Variants in CDYL2 observed in about 807,000 individuals in gnomAD.
CDYL2 encodes chromodomain Y-like protein 2.
Under a neutral mutation model 49.4 loss-of-function variants are expected in CDYL2, and 23 were observed. The ratio of observed to expected loss-of-function variants is 0.47; its 90% CI spans 0.34 to 0.66. CDYL2 has a LOEUF of 0.66. Ranked by LOEUF, CDYL2 falls within the 30% of genes least tolerant of loss-of-function variation. CDYL2 has a pLI of 0.01. For synonymous variants in CDYL2, 360 were observed against 268.8 expected, an observed-to-expected ratio of 1.34 and a Z score of -3.32; for missense variants, 678 against 656.4, an observed-to-expected ratio of 1.03 and a Z score of -0.36.
rs552286233 is a variant in CDYL2, at chr16:80,633,518, G to A, written c.617-282C>T. On this transcript the variant is annotated intron_variant, in intron 2 of 6. Coordinates refer to ENST00000570137, the MANE Select transcript of CDYL2 (RefSeq NM_152342.4). ...ATATCAGCTTCTGCTCAGATTCCTT[G>A]GCCACAGGGAATCCACTGACCACCC... Among the ~76,000 whole-genome samples the A allele has an allele frequency of 5.3e-5, 8 of 152,236 alleles. No individual in the cohort carries two copies. In the South Asian group the frequency reaches 8.3e-4, roughly 16 times the overall value.
intron 1 of CDYL2, among the ~76,000 whole-genome samples, chr16:80,794,873 A>G (rs532470484): frequency 6.6e-6 from 1 of 152,172 alleles, no homozygotes; most frequent in South Asian, 2.1e-4. Flanking sequence ...TTGGCCTCCC[A>G]AAGTGCTGGG....
chr16:80,643,259 TCA>T (rs200889100), intron 2 of CDYL2, among the ~76,000 whole-genome samples: 1,794 of 152,294 alleles, frequency 0.012, 9 homozygotes, highest in Middle Eastern at 0.024. Context: ...CACATCCAGG[TCA>T]CGCTGATTCA....
At chr16:80,630,367 C>G (rs1907506147) in intron 3 of CDYL2, among the ~76,000 whole-genome samples, 1 of 152,202 alleles carries the variant, frequency 6.6e-6, no homozygotes, top group Non-Finnish European at 1.5e-5. Flanking sequence ...CCCAGGGCTG[C>G]TCCACAGAGG....
intron 1 of CDYL2, among the ~76,000 whole-genome samples, chr16:80,706,801 T>C (rs1188025042): frequency 2.0e-5 from 3 of 152,182 alleles, no homozygotes; most frequent in Non-Finnish European, 4.4e-5. Context: ...GAGTACACAA[T>C]GGAAAATCTT....
chr16:80,655,643 C>T (rs1307377819), intron 2 of CDYL2, among the ~76,000 whole-genome samples: 1 of 152,106 alleles, frequency 6.6e-6, no homozygotes, highest in Non-Finnish European at 1.5e-5. Flanking sequence ...AGAGACCCTC[C>T]TACCCTCTGC....
chr16:80,710,858 C>G (rs1235871297), intron 1 of CDYL2, among the ~76,000 whole-genome samples: 1 of 152,136 alleles, frequency 6.6e-6, no homozygotes, highest in Non-Finnish European at 1.5e-5. Flanking sequence ...AGAAATAGTT[C>G]TTCACTGCAT....
intron 1 of CDYL2, among the ~76,000 whole-genome samples, chr16:80,757,567 T>TATATAC (rs1555535745): frequency 1.3e-5 from 2 of 150,000 alleles, no homozygotes; most frequent in African/African-American, 4.9e-5. Context: ...TATATATATA[T>TATATAC]ACACACACAC....
chr16:80,719,278 C>G (rs1904918019), intron 1 of CDYL2, among the ~76,000 whole-genome samples: 1 of 152,100 alleles, frequency 6.6e-6, no homozygotes, highest in South Asian at 2.1e-4. Flanking sequence ...CCGGAAGAGG[C>G]TGGGAGCAGG....
At chr16:80,683,457 C>T (rs964836340) in intron 2 of CDYL2, among the ~76,000 whole-genome samples, 17 of 152,234 alleles carry the variant, frequency 1.1e-4, no homozygotes, top group African/African-American at 4.1e-4. Context: ...CATGGGTCAT[C>T]ACCTCCTGTT....
chr16:80,618,663 G>A (rs1317719766), intron 4 of CDYL2, among the ~76,000 whole-genome samples: 3 of 152,178 alleles, frequency 2.0e-5, no homozygotes, highest in East Asian at 1.9e-4. Context: ...GGATCCCCAC[G>A]CCCTCCCCAG....
intron 1 of CDYL2, among the ~76,000 whole-genome samples, chr16:80,791,496 A>G (rs937932353): frequency 1.2e-4 from 19 of 152,242 alleles, no homozygotes; most frequent in African/African-American, 4.1e-4. Flanking sequence ...GCTGAGTGCT[A>G]TAACAAGAGA....
intron 2 of CDYL2, among the ~76,000 whole-genome samples, chr16:80,667,658 A>T (rs1452368296): frequency 1.3e-5 from 2 of 152,200 alleles, no homozygotes; most frequent in Non-Finnish European, 2.9e-5. Context: ...GGATTCATAT[A>T]TGTGTACTGT....
intron 1 of CDYL2, among the ~76,000 whole-genome samples, chr16:80,780,863 G>GA (rs1398840228): frequency 1.3e-5 from 2 of 151,886 alleles, no homozygotes; most frequent in African/African-American, 2.4e-5. Flanking sequence ...GAGAAAACTG[G>GA]AAAAAAAGTG....
At chr16:80,746,324 T>C (rs1229633315) in intron 1 of CDYL2, among the ~76,000 whole-genome samples, 1 of 152,144 alleles carries the variant, frequency 6.6e-6, no homozygotes, top group Non-Finnish European at 1.5e-5. Context: ...GACTTTATAA[T>C]CCCAAGCGCT....
At chr16:80,721,445 T>C (rs1397554352) in intron 1 of CDYL2, among the ~76,000 whole-genome samples, 1 of 152,152 alleles carries the variant, frequency 6.6e-6, no homozygotes, top group East Asian at 1.9e-4. Context: ...AGCAAAATAG[T>C]ATCAGATGGG....
intron 1 of CDYL2, among the ~76,000 whole-genome samples, chr16:80,720,512 C>T (rs911742055): frequency 1.4e-4 from 22 of 152,300 alleles, no homozygotes; most frequent in African/African-American, 4.8e-4. Flanking sequence ...AGGGTATGCT[C>T]GTCTACAGAG....
At chr16:80,699,715 A>AT (rs1454677902) in intron 1 of CDYL2, among the ~76,000 whole-genome samples, 1 of 152,214 alleles carries the variant, frequency 6.6e-6, no homozygotes, top group Admixed American at 6.5e-5. Flanking sequence ...AGGGATGGAT[A>AT]TGCTAATTAC....
intron 1 of CDYL2, among the ~76,000 whole-genome samples, chr16:80,793,786 G>C (rs1304309719): frequency 1.3e-5 from 2 of 150,180 alleles, no homozygotes; most frequent in Non-Finnish European, 3.0e-5. Flanking sequence ...TCTTTTGTAA[G>C]TTTAGCTTAT....
intron 5 of CDYL2, among the ~76,000 whole-genome samples, chr16:80,610,624 T>C (rs540525627): frequency 1.7e-4 from 26 of 152,156 alleles, no homozygotes; most frequent in Admixed American, 1.6e-3. Context: ...AACAAGAACA[T>C]AAACAGAGTT....
Sources: gnomAD v4.1 joint callset for allele counts (sites outside exome capture counted in the v4.1 genomes callset) on GRCh38, gnomAD v4.1.1 for gene constraint, MANE v1.5 for transcripts, NCBI Gene and HGNC (gene_info 2026-07-23, HGNC 2026-07-21) for gene names.